RHD: variants seen among roughly 807,000 people sequenced by gnomAD.
The protein encoded by RHD is blood group Rh(D) polypeptide.
RHD carries 16 observed loss-of-function variants against 45.5 expected under a neutral mutation model. That is an observed-to-expected ratio of 0.35 (90% confidence interval 0.24 to 0.53). RHD has a LOEUF of 0.53. RHD is among the 20% of genes least tolerant of loss of function. The probability of loss-of-function intolerance (pLI) is 0.92; values close to 1 mark genes in which losing one functional copy is unlikely to be tolerated. For missense variants in RHD, 306 were observed against 532.0 expected, an observed-to-expected ratio of 0.58 and a Z score of 4.18; for synonymous variants, 131 against 217.5, an observed-to-expected ratio of 0.60 and a Z score of 3.50.
chr1:25,306,630 G>A lies in RHD; in HGVS notation c.974G>A (p.Ser325Asn), dbSNP rs377051051. The change falls in exon 7 of 10, where the codon AGC becomes AAC. Residue 325 changes from serine to asparagine, a missense_variant. Ser to Asn is a conservative substitution (Grantham distance 46). Coordinates refer to ENST00000328664, the MANE Select transcript of RHD (RefSeq NM_016124.6). ...AACCGAGTGCTGGGGATTCCCCACA[G>A]CTCCATCATGGGCTACAACTTCAGC... ...CCNRVLGIPH[S>N]SIMGYNFSLL... is the part of the protein sequence containing the mutation. 1 of 1,378,330 alleles carries A rather than the reference G, an allele frequency of 7.3e-7. No individual in the cohort carries two copies. Among genetic ancestry groups the A allele is most frequent in the Middle Eastern group, 1.8e-4 (1 of 5,502 alleles). The allele number at this position is 1,378,330 out of a possible 1,614,324, so 85.4% of individuals were successfully genotyped here. A position where few individuals can be genotyped will look rare whatever the true frequency, so the allele number is the denominator to read the frequency against.
In RHD at chr1:25,290,034, G is replaced by A. The variant is rs550908044; in HGVS notation, c.336-607G>A. Among the ~76,000 whole-genome samples the A allele has an allele frequency of 1.3e-3, 162 of 125,484 alleles. 20 individuals carry two copies. Among genetic ancestry groups the A allele is most frequent in the African/African-American group, 4.1e-3 (148 of 36,252 alleles). 82.3% of individuals were successfully genotyped at this position (125,484 alleles called of 152,430 possible). A position where few individuals can be genotyped will look rare whatever the true frequency, so the allele number is the denominator to read the frequency against. On this transcript the variant is annotated intron_variant, in intron 2 of 9. Transcript: ENST00000328664. ...TCCCCAGGACACCAACATGGGATACGTTTGATCATCATTCTTAATTTGCAG... is the reference window on the plus strand; with the variant it reads ...TCCCCAGGACACCAACATGGGATACATTTGATCATCATTCTTAATTTGCAG...
chr1:25,280,279 C>G (rs1641360122), intron 1 of RHD, among the ~76,000 whole-genome samples: 1 of 126,672 alleles, frequency 7.9e-6, no homozygotes, highest in Non-Finnish European at 1.8e-5. Flanking sequence ...AATAAAGCCC[C>G]CACCCAGGAT....
rs572010630 is a variant in RHD at position 25,307,868 on chromosome 1, C to T, written c.1073+1139C>T. 2.1e-5 allele frequency: 27 copies of T among 1,281,750 alleles called. 3 individuals are homozygous for T. The highest frequency in any genetic ancestry group is 8.9e-5 in the African/African-American group (6 of 67,694). 79.4% of individuals were successfully genotyped at this position (1,281,750 alleles called of 1,614,324 possible). The stretch of plus-strand genomic sequence containing the variant: ...AGGGGATGAGCTGTGTGAAGCAAGG[C>T]GCCTCTGTGATGGGTTCCAGTGATG... On this transcript the variant is annotated intron_variant, in intron 7 of 9. Coordinates refer to ENST00000328664, the MANE Select transcript of RHD (RefSeq NM_016124.6).
chr1:25,282,225 T>C (rs1641549096), intron 1 of RHD, among the ~76,000 whole-genome samples: 1 of 132,446 alleles, frequency 7.6e-6, no homozygotes, highest in Admixed American at 7.4e-5. Flanking sequence ...CATAAATTGA[T>C]ATTTCATTTT....
Position 25,305,593 on chromosome 1 carries a change from T to C in RHD, c.940-1003T>C, listed in dbSNP as rs181941816. Among the ~76,000 whole-genome samples, 40 of 118,800 alleles carry C rather than the reference T, an allele frequency of 3.4e-4. 8 individuals are homozygous for C. Among genetic ancestry groups the C allele is most frequent in the Middle Eastern group, 4.2e-3 (1 of 240 alleles). 77.9% of individuals were successfully genotyped at this position (118,800 alleles called of 152,430 possible). The stretch of plus-strand genomic sequence containing the variant: ...CGTGTGTGTATGTATTTTGTTGTTG[T>C]TGTTGTTGTTGTTGTTGTTGTTGTT... On this transcript the variant is annotated intron_variant, in intron 6 of 9. Coordinates refer to ENST00000328664, the MANE Select transcript of RHD (RefSeq NM_016124.6).
intron 4 of RHD, 110 bp from the exon 5 acceptor site, chr1:25,301,410 G>C (rs1571668835): frequency 1.9e-6 from 2 of 1,043,016 alleles, no homozygotes; most frequent in Non-Finnish European, 2.9e-6. Context: ...CTAACTCTAA[G>C]TGACAAGGCT....
chr1:25,301,629 C>T lies in RHD; in HGVS notation c.744C>T (p.Ser248=), dbSNP rs1053362. ...ACACCTACTATGCTGTAGCAGTCAG[C>T]GTGGTGACAGCCATCTCAGGGTCAT... ...VFNTYYAVAV[S]VVTAISGSSL... The change falls in exon 5 of 10, where the codon AGC becomes AGT. Residue 248 remains serine (S), a synonymous_variant. Transcript: ENST00000328664. 1,170 of 1,379,912 alleles carry T rather than the reference C, an allele frequency of 8.5e-4. 199 individuals are homozygous for T. The African/African-American group carries it at 0.011, about 13-fold the overall frequency. The allele number at this position is 1,379,912 out of a possible 1,614,324, so 85.5% of individuals were successfully genotyped here.
intron 6 of RHD, chr1:25,304,350 G>A (rs1209063307): frequency 2.5e-5 from 3 of 122,136 alleles, no homozygotes; most frequent in East Asian, 2.0e-4. Flanking sequence ...AGTGGCTCAC[G>A]CGCTTTGGGA....
At chr1:25,293,104 G>C (rs1213993348) in intron 3 of RHD, among the ~76,000 whole-genome samples, 1 of 131,790 alleles carries the variant, frequency 7.6e-6, no homozygotes, top group East Asian at 2.0e-4. Context: ...GCAACAGCCT[G>C]GCTTGACTGA....
chr1:25,302,705 C>CAAT (rs1643486102), intron 5 of RHD, among the ~76,000 whole-genome samples: 2 of 130,272 alleles, frequency 1.5e-5, no homozygotes, highest in East Asian at 2.0e-4. Context: ...ACCAAGTAGC[C>CAAT]AATAATAATA....
chr1:25,286,683 G>A (rs548649393), intron 2 of RHD, among the ~76,000 whole-genome samples: 7 of 134,408 alleles, frequency 5.2e-5, no homozygotes, highest in African/African-American at 1.8e-4. Flanking sequence ...CCACTCGGGA[G>A]GCTGAGGCAG....
intron 1 of RHD, among the ~76,000 whole-genome samples, chr1:25,283,296 C>T (rs1201017010): frequency 3.0e-5 from 4 of 131,304 alleles, no homozygotes; most frequent in East Asian, 2.0e-4. Context: ...TTTGGGAAAC[C>T]GAGGTGGGCA....
At position 25,279,180 on chromosome 1, in the gene RHD, G is replaced by A. The variant is rs1330599164; in HGVS notation, c.149-5393G>A. ...AAGTGGTCTCTTTGCAACAGGCCTGGGGGAGAGCAGTCTTGCCTAAAGTCA... is the reference window on the plus strand; with the variant it reads ...AAGTGGTCTCTTTGCAACAGGCCTGAGGGAGAGCAGTCTTGCCTAAAGTCA... On this transcript the variant is annotated intron_variant, in intron 1 of 9. Coordinates refer to ENST00000328664, the MANE Select transcript of RHD (RefSeq NM_016124.6). 1.6e-5 allele frequency among the ~76,000 whole-genome samples: 2 copies of A among 125,194 alleles called. 1 individual carries two copies. Among genetic ancestry groups the A allele is most frequent in the African/African-American group, 5.5e-5 (2 of 36,240 alleles). The allele number at this position is 125,194 out of a possible 152,430, so 82.1% of individuals were successfully genotyped here. A position where few individuals can be genotyped will look rare whatever the true frequency, so the allele number is the denominator to read the frequency against.
chr1:25,289,264 G>A lies in RHD; in HGVS notation c.336-1377G>A, dbSNP rs184807833. Among the ~76,000 whole-genome samples the A allele has an allele frequency of 8.1e-4, 107 of 132,048 alleles. 31 individuals are homozygous for A. Among genetic ancestry groups the A allele is most frequent in the Non-Finnish European group, 1.5e-3 (83 of 55,702 alleles). 86.6% of individuals were successfully genotyped at this position (132,048 alleles called of 152,430 possible). On this transcript the variant is annotated intron_variant, in intron 2 of 9. Coordinates refer to ENST00000328664, the MANE Select transcript of RHD (RefSeq NM_016124.6). ...GGCTGGAGTGCAGTGGTGCAGTCTC[G>A]GCCCACTGAAACCTCTGCCTCCCGG...
chr1:25,285,338 T>C (rs1378236689), intron 2 of RHD, among the ~76,000 whole-genome samples: 1 of 134,052 alleles, frequency 7.5e-6, no homozygotes, highest in East Asian at 1.9e-4. Context: ...TTCTCCGTGT[T>C]GGTCAGGCTA....
intron 4 of RHD, 71 bp downstream of exon 4, chr1:25,301,164 A>T: frequency 1.6e-6 from 2 of 1,276,832 alleles, no homozygotes; most frequent in Non-Finnish European, 1.1e-6. Flanking sequence ...GCTCTGGCTG[A>T]AAAAATCTCC....
chr1:25,303,438 C>T lies in RHD; in HGVS notation c.918C>T (p.Val306=), dbSNP rs773200678. The T allele has an allele frequency of 9.4e-6, 13 of 1,378,646 alleles. 2 individuals are homozygous for T. Among genetic ancestry groups the T allele is most frequent in the African/African-American group, 2.8e-5 (2 of 70,222 alleles). 85.4% of individuals were successfully genotyped at this position (1,378,646 alleles called of 1,614,324 possible). Residue 306 remains valine, a synonymous_variant, in exon 6 of 10, where the codon GTC becomes GTT. Transcript: ENST00000328664. The part of the protein sequence containing the change: ...VLGLVAGLIS[V]GGAKYLPGCC... ...GTCTTGTGGCTGGGCTGATCTCCGT[C>T]GGGGGAGCCAAGTACCTGCCGGTAA...
intron 6 of RHD, among the ~76,000 whole-genome samples, chr1:25,305,061 T>C (rs544629058): frequency 7.5e-6 from 1 of 132,580 alleles, no homozygotes; most frequent in Admixed American, 7.3e-5. Flanking sequence ...ATACACACAA[T>C]ACAGTGTGAG....
At chr1:25,287,166 C>G (rs552024186) in intron 2 of RHD, among the ~76,000 whole-genome samples, 1 of 134,610 alleles carries the variant, frequency 7.4e-6, no homozygotes, top group Non-Finnish European at 1.8e-5. Context: ...CACACATGCA[C>G]GCATACACAC....
Sources: gnomAD v4.1 joint callset for allele counts (sites outside exome capture counted in the v4.1 genomes callset) on GRCh38, gnomAD v4.1.1 for gene constraint, MANE v1.5 for transcripts, NCBI Gene and HGNC (gene_info 2026-07-23, HGNC 2026-07-21) for gene names.